The following BRD10 variants were observed in gnomAD, a reference collection of about 807,000 sequenced individuals.
The protein encoded by BRD10 is bromodomain containing 10.
At chr9:5,962,239 C>G in the BRD10 span, among the ~76,000 whole-genome samples, 1 of 148,728 alleles carries the variant, frequency 6.7e-6, no homozygotes, top group Non-Finnish European at 1.5e-5. Flanking sequence ...ACCACCGATC[C>G]CACAGAAATA....
chr9:5,919,582 AC>A, the BRD10 span: 1 of 1,023,930 alleles, frequency 9.8e-7, no homozygotes, highest in Non-Finnish European at 1.4e-6. Context: ...ACACACACAC[AC>A]AATGTATAGT....
At chr9:5,914,670 G>C in the BRD10 span, among the ~76,000 whole-genome samples, 1 of 151,766 alleles carries the variant, frequency 6.6e-6, no homozygotes, top group Non-Finnish European at 1.5e-5. Flanking sequence ...TGATCTGCCC[G>C]CCTCGGCCTC....
the BRD10 span, chr9:5,968,264 C>T: frequency 1.2e-6 from 2 of 1,612,342 alleles, no homozygotes; most frequent in Non-Finnish European, 1.7e-6. Flanking sequence ...AACTTTGTGG[C>T]AGTTAATTTC....
the BRD10 span, among the ~76,000 whole-genome samples, chr9:5,951,068 ACACACACACCCC>A: frequency 6.8e-6 from 1 of 146,914 alleles, no homozygotes; most frequent in African/African-American, 2.6e-5. Flanking sequence ...ACACACACAC[ACACACACACCCC>A]CACCCCACCC....
At chr9:5,995,856 C>G in the BRD10 span, among the ~76,000 whole-genome samples, 1 of 151,986 alleles carries the variant, frequency 6.6e-6, no homozygotes, top group Non-Finnish European at 1.5e-5. Flanking sequence ...GCAAAGAACA[C>G]GCTAACAATT....
At chr9:5,955,332 T>G in the BRD10 span, among the ~76,000 whole-genome samples, 1 of 152,202 alleles carries the variant, frequency 6.6e-6, no homozygotes, top group Non-Finnish European at 1.5e-5. Flanking sequence ...AATACTTTTC[T>G]GTCATTTTTA....
the BRD10 span, among the ~76,000 whole-genome samples, chr9:5,947,850 T>C: frequency 6.6e-6 from 1 of 152,150 alleles, no homozygotes; most frequent in Non-Finnish European, 1.5e-5. Flanking sequence ...AACAAAGATT[T>C]TTTTTTAAAA....
At chr9:5,939,651 T>C in the BRD10 span, among the ~76,000 whole-genome samples, 56 of 152,372 alleles carry the variant, frequency 3.7e-4, no homozygotes, top group Non-Finnish European at 7.1e-4. Context: ...ACTTGTTTTC[T>C]CTCCAAGTAA....
the BRD10 span, among the ~76,000 whole-genome samples, chr9:5,934,127 T>C: frequency 6.7e-6 from 1 of 150,216 alleles, no homozygotes; most frequent in Non-Finnish European, 1.5e-5. Context: ...AGAATGCTTT[T>C]TAAAATGGAG....
At chr9:5,914,285 C>T in the BRD10 span, among the ~76,000 whole-genome samples, 9 of 151,874 alleles carry the variant, frequency 5.9e-5, no homozygotes, top group African/African-American at 2.2e-4. Context: ...GGACACCTGA[C>T]CGTGTTTTCC....
At chr9:5,968,114 CCTT>C in the BRD10 span, 6 of 1,572,448 alleles carry the variant, frequency 3.8e-6, no homozygotes, top group East Asian at 1.4e-4. Context: ...AGAATGAAGA[CCTT>C]CACGCTTTCT....
the BRD10 span, chr9:6,007,357 T>G: frequency 6.2e-7 from 1 of 1,613,428 alleles, no homozygotes; most frequent in Non-Finnish European, 8.5e-7. Context: ...GGCGAACTTC[T>G]CTTCCATCTG....
chr9:5,932,596 A>G, the BRD10 span, among the ~76,000 whole-genome samples: 2 of 152,192 alleles, frequency 1.3e-5, no homozygotes, highest in Non-Finnish European at 2.9e-5. Context: ...TAGGTTATAC[A>G]TAAAGACTAC....
At chr9:5,951,723 T>G in the BRD10 span, among the ~76,000 whole-genome samples, 3 of 152,176 alleles carry the variant, frequency 2.0e-5, no homozygotes, top group African/African-American at 7.2e-5. Context: ...TAAAATTATT[T>G]TGAGAGACAA....
chr9:5,925,842 G>A, the BRD10 span, among the ~76,000 whole-genome samples: 1 of 152,164 alleles, frequency 6.6e-6, no homozygotes, highest in African/African-American at 2.4e-5. Flanking sequence ...TTTCAACTAA[G>A]TGTTCTACCT....
chr9:5,984,213 T>C, the BRD10 span, among the ~76,000 whole-genome samples: 12 of 152,150 alleles, frequency 7.9e-5, no homozygotes, highest in African/African-American at 2.7e-4. Flanking sequence ...AAATATAAAA[T>C]ACTTCTTTTC....
At chr9:6,007,571 G>C in the BRD10 span, 1 of 1,610,314 alleles carries the variant, frequency 6.2e-7, no homozygotes, top group Non-Finnish European at 8.5e-7. Context: ...GTCAGCTCCT[G>C]CTCCTTGCAG....
chr9:5,894,901 CA>C, the BRD10 span, among the ~76,000 whole-genome samples: 1 of 152,136 alleles, frequency 6.6e-6, no homozygotes, highest in Non-Finnish European at 1.5e-5. This position sits in a 1 kb window ranked among gnomAD's most constrained non-coding sequence, Gnocchi z 4.0. Context: ...TAATAAAGGG[CA>C]AAGGGGGTTA....
chr9:5,972,139 T>G, the BRD10 span, among the ~76,000 whole-genome samples: 1 of 151,956 alleles, frequency 6.6e-6, no homozygotes, highest in African/African-American at 2.4e-5. Context: ...ACTACTACAG[T>G]GATAAGAAAT....
Sources: allele counts gnomAD v4.1 joint callset (sites outside exome capture counted in the v4.1 genomes callset), GRCh38; gene constraint gnomAD v4.1.1; non-coding constraint Gnocchi (gnomAD v3.1); transcripts MANE v1.5; gene names NCBI Gene and HGNC (gene_info 2026-07-23, HGNC 2026-07-21).